CASZ1: variants seen among roughly 807,000 people sequenced by gnomAD.
CASZ1 encodes the protein zinc finger protein castor homolog 1.
In CASZ1, 28 loss-of-function variants were observed where a neutral mutation model predicts 135.2. The observed-to-expected ratio is 0.21, with a 90% CI of 0.15 to 0.28. The LOEUF (loss-of-function observed/expected upper bound fraction) is 0.28. Ranked by LOEUF, CASZ1 falls within the 10% of genes least tolerant of loss-of-function variation. The probability of loss-of-function intolerance (pLI) is 1.00; values close to 1 mark genes in which losing one functional copy is unlikely to be tolerated. For synonymous variants in CASZ1, 1,068 were observed against 1,073.4 expected (o/e 0.99, Z 0.10); for missense variants, 2,161 against 2,453.3 (o/e 0.88, Z 2.52).
chr1:10,712,571 T>A (rs1639306075), intron 2 of CASZ1, among the ~76,000 whole-genome samples: 1 of 151,878 alleles, frequency 6.6e-6, no homozygotes, highest in Non-Finnish European at 1.5e-5. Context: ...CACGGTGACT[T>A]CAAATGGGCC....
intron 2 of CASZ1, among the ~76,000 whole-genome samples, chr1:10,723,487 A>C (rs575252980): frequency 2.2e-4 from 33 of 152,318 alleles, no homozygotes; most frequent in Admixed American, 2.0e-3. Flanking sequence ...TATTCAAGCC[A>C]GGCGCCAGCC....
Position 10,645,783 on chromosome 1 carries a change from C to G in CASZ1, c.3696+345G>C, listed in dbSNP as rs1422759579. 3.3e-5 allele frequency among the ~76,000 whole-genome samples: 5 copies of G among 152,184 alleles called. No individual in the cohort carries two copies. The East Asian group carries it at 9.6e-4, about 29-fold the overall frequency. On this transcript the variant is annotated intron_variant, in intron 17 of 20. Transcript: ENST00000377022. ...ATCTGATCTGACTTTCCTGTGTGGGCACGGACAATGGGCCTGTTCGAAAAT... is the reference window on the plus strand; with the variant it reads ...ATCTGATCTGACTTTCCTGTGTGGGGACGGACAATGGGCCTGTTCGAAAAT...
intron 4 of CASZ1, among the ~76,000 whole-genome samples, chr1:10,681,303 A>G (rs1638413080): frequency 6.6e-6 from 1 of 151,370 alleles, no homozygotes; most frequent in Non-Finnish European, 1.5e-5. Flanking sequence ...GGAAGGGTGG[A>G]CAGAAGAGCA....
chr1:10,792,784 A>G lies in CASZ1; in HGVS notation c.-234+3780T>C, dbSNP rs78709023. 3.2e-3 allele frequency among the ~76,000 whole-genome samples: 488 copies of G among 151,772 alleles called. 3 individuals carry two copies. The highest frequency in any genetic ancestry group is 0.011 in the African/African-American group (465 of 41,350). ...AAGTTGATGTACTCTCACATACCAG[A>G]CAGAGGTTATCGATATTCTCCCAAA... On this transcript the variant is annotated intron_variant, in intron 1 of 20. Coordinates refer to ENST00000377022, the MANE Select transcript of CASZ1 (RefSeq NM_001079843.3).
intron 11 of CASZ1, 132 bp downstream of exon 11, chr1:10,653,245 G>C: frequency 1.0e-6 from 1 of 968,200 alleles, no homozygotes; most frequent in African/African-American, 1.6e-5. Context: ...AGGCAAAGAG[G>C]GGGTGCTGGC....
intron 2 of CASZ1, among the ~76,000 whole-genome samples, chr1:10,749,392 C>T (rs1640107096): frequency 6.6e-6 from 1 of 152,110 alleles, no homozygotes; most frequent in East Asian, 1.9e-4. Context: ...GGACTACAGG[C>T]GTGTGCCACC....
intron 4 of CASZ1, among the ~76,000 whole-genome samples, chr1:10,668,017 C>T (rs1570446574): frequency 1.3e-5 from 2 of 152,222 alleles, no homozygotes; most frequent in East Asian, 3.9e-4. Context: ...CTGCCCCAGC[C>T]CACCTGCCTT....
rs898375181 is a variant in CASZ1, at chr1:10,679,924, G to C, written c.16+13950C>G. The stretch of plus-strand genomic sequence containing the variant: ...CTTCCAGCATCCCTACCCATTACCC[G>C]TCCCAAACCCAGCTGCCAAGTGAGG... On this transcript the variant is annotated intron_variant, in intron 4 of 20. Coordinates refer to ENST00000377022, the MANE Select transcript of CASZ1 (RefSeq NM_001079843.3). This position sits in a 1 kb window ranked among gnomAD's most constrained non-coding sequence, Gnocchi z 4.7. 1.3e-5 allele frequency among the ~76,000 whole-genome samples: 2 copies of C among 152,110 alleles called. No homozygotes were observed. Among genetic ancestry groups the C allele is most frequent in the Non-Finnish European group, 2.9e-5 (2 of 68,016 alleles).
chr1:10,707,492 C>T lies in CASZ1; in HGVS notation c.-76-1948G>A, dbSNP rs953228779. ...AGAGCAACTTGCAGATCTGATCACA[C>T]AGAACAATCAGGGAGGAAACTTTCC... is the stretch of plus-strand genomic sequence containing the variant. On this transcript the variant is annotated intron_variant, in intron 2 of 20. Transcript: ENST00000377022. This position sits in a 1 kb window ranked among gnomAD's most constrained non-coding sequence, Gnocchi z 5.0. 1.2e-4 allele frequency among the ~76,000 whole-genome samples: 18 copies of T among 152,026 alleles called. No homozygotes were observed. The highest frequency in any genetic ancestry group is 1.2e-3 in the Admixed American group (18 of 15,270).
At position 10,701,273 on chromosome 1, in the gene CASZ1, G is replaced by A. The variant is rs886833646; in HGVS notation, c.-24+4219C>T. On this transcript the variant is annotated intron_variant, in intron 3 of 20. Transcript: ENST00000377022. This position sits in a 1 kb window ranked among gnomAD's most constrained non-coding sequence, Gnocchi z 6.3. ...GAGGAGGCTGCCCACCGTGGCAGCCGGGTTCCCGTGCGCACTCTCCCTGTC... is the reference window on the plus strand; with the variant it reads ...GAGGAGGCTGCCCACCGTGGCAGCCAGGTTCCCGTGCGCACTCTCCCTGTC... Among the ~76,000 whole-genome samples, 5 of 152,166 alleles carry A rather than the reference G, an allele frequency of 3.3e-5. No individual in the cohort carries two copies. Among genetic ancestry groups the A allele is most frequent in the South Asian group, 4.1e-4 (2 of 4,824 alleles).
chr1:10,737,327 C>G (rs1430549476), intron 2 of CASZ1, among the ~76,000 whole-genome samples: 1 of 152,062 alleles, frequency 6.6e-6, no homozygotes, highest in Non-Finnish European at 1.5e-5. Context: ...GCCCTCCCCT[C>G]TCAGGCTGGG....
chr1:10,674,514 T>C (rs943530349), intron 4 of CASZ1, among the ~76,000 whole-genome samples: 17 of 152,260 alleles, frequency 1.1e-4, no homozygotes, highest in African/African-American at 3.6e-4. Context: ...TCCAGAGACC[T>C]GGCCCCTTGG....
intron 4 of CASZ1, among the ~76,000 whole-genome samples, chr1:10,689,140 T>C (rs67969): frequency 0.38 from 56,846 of 151,314 alleles, 12,939 homozygotes; most frequent in Non-Finnish European, 0.49. Context: ...CCTGGAAAAG[T>C]GTTGGGCCAG....
chr1:10,684,443 G>A (rs935849607), intron 4 of CASZ1, among the ~76,000 whole-genome samples: 7 of 152,152 alleles, frequency 4.6e-5, no homozygotes, highest in African/African-American at 1.7e-4. Context: ...TTTTGGTAGC[G>A]CAAGGGGGTT....
Position 10,721,197 on chromosome 1 carries a change from G to A in CASZ1, c.-76-15653C>T, listed in dbSNP as rs1639490147. The stretch of plus-strand genomic sequence containing the variant: ...GGCCACCAACTCCAGACTGCACAGG[G>A]TTAACTCCAGACAGAGGGGCTGGCT... On this transcript the variant is annotated intron_variant, in intron 2 of 20. Transcript: ENST00000377022. This position sits in a 1 kb window ranked among gnomAD's most constrained non-coding sequence, Gnocchi z 5.4. Among the ~76,000 whole-genome samples the A allele has an allele frequency of 6.6e-6, 1 of 151,962 alleles. No homozygotes were observed.
chr1:10,706,143 A>C lies in CASZ1; in HGVS notation c.-76-599T>G, dbSNP rs1024359641. Among the ~76,000 whole-genome samples the C allele has an allele frequency of 2.6e-5, 4 of 152,232 alleles. No individual in the cohort carries two copies. The highest frequency in any genetic ancestry group is 9.6e-5 in the African/African-American group (4 of 41,468). Reference sequence around the variant, plus strand: ...CACCTTCCACCCCGGGGTCCTACCCATGAGTCATCACAGCCCATGTCCAGA... The same window carrying C: ...CACCTTCCACCCCGGGGTCCTACCCCTGAGTCATCACAGCCCATGTCCAGA... On this transcript the variant is annotated intron_variant, in intron 2 of 20. Coordinates refer to ENST00000377022, the MANE Select transcript of CASZ1 (RefSeq NM_001079843.3). The surrounding 1 kb of genome is among the most constrained non-coding windows in gnomAD (Gnocchi z 4.3).
Position 10,747,045 on chromosome 1 carries a change from G to A in CASZ1, c.-77+13656C>T, listed in dbSNP as rs115389418. Among the ~76,000 whole-genome samples, 4,823 of 152,312 alleles carry A rather than the reference G, an allele frequency of 0.032. 239 individuals carry two copies. Among genetic ancestry groups the A allele is most frequent in the African/African-American group, 0.11 (4,481 of 41,560 alleles). The stretch of plus-strand genomic sequence containing the variant: ...TAGCCCCCGCTAACCAGGAGTGGAC[G>A]CCCAGAAGTCCATGGAGTGACAAAT... On this transcript the variant is annotated intron_variant, in intron 2 of 20. Coordinates refer to ENST00000377022, the MANE Select transcript of CASZ1 (RefSeq NM_001079843.3). This position sits in a 1 kb window ranked among gnomAD's most constrained non-coding sequence, Gnocchi z 4.3.
Position 10,650,994 on chromosome 1 carries a change from G to A in CASZ1, c.2763C>T (p.Gly921=). Residue 921 remains glycine, a synonymous_variant, in exon 12 of 21, where the codon GGC becomes GGT. Transcript: ENST00000377022. ...TGCGGTCCTGGGAGGCTTCGTGGGGGCCTGGGGCGCCGGTGCTCTCACCGG... is the reference window on the plus strand; with the variant it reads ...TGCGGTCCTGGGAGGCTTCGTGGGGACCTGGGGCGCCGGTGCTCTCACCGG... The part of the protein sequence containing the change: ...PEPGESTGAP[G]PHEASQDRSL... 6.3e-7 allele frequency: 1 copy of A among 1,575,036 alleles called. No homozygotes were observed. Among genetic ancestry groups the A allele is most frequent in the Non-Finnish European group, 8.5e-7 (1 of 1,169,644 alleles).
At position 10,637,453 on chromosome 1, in the gene CASZ1, C is replaced by G. The variant is rs1384740926; in HGVS notation, c.*1489G>C. 6.6e-6 allele frequency: 1 copy of G among 152,502 alleles called. No individual in the cohort carries two copies. The highest frequency in any genetic ancestry group is 6.5e-5 in the Admixed American group (1 of 15,290). The allele number at this position is 152,502 out of a possible 1,614,324, so 9.4% of individuals were successfully genotyped here. ...GAAGAAAAAAGGGAAAAGTAAACCA[C>G]TGCCCCCCAGTTGAGCCAGGTTCCT... On this transcript the variant is annotated 3_prime_UTR_variant, in exon 21 of 21. Coordinates refer to ENST00000377022, the MANE Select transcript of CASZ1 (RefSeq NM_001079843.3).
Sources: gnomAD v4.1 joint callset for allele counts (sites outside exome capture counted in the v4.1 genomes callset) on GRCh38, gnomAD v4.1.1 for gene constraint, Gnocchi (gnomAD v3.1) non-coding constraint, MANE v1.5 for transcripts, NCBI Gene and HGNC (gene_info 2026-07-23, HGNC 2026-07-21) for gene names.